Variants in URI1 observed in about 807,000 individuals in gnomAD.
URI1 encodes the protein URI1 prefoldin like chaperone, also known as unconventional prefoldin RPB5 interactor 1.
URI1 carries 39 observed loss-of-function variants against 60.2 expected under a neutral mutation model. That is an observed-to-expected ratio of 0.65 (90% CI 0.50 to 0.85). The LOEUF is 0.85. Ranked by LOEUF, URI1 falls within the 40% of genes least tolerant of loss-of-function variation. URI1 has a pLI of 0.00. For missense variants in URI1, 691 were observed against 665.9 expected (o/e 1.04, Z -0.42); for synonymous variants, 251 against 236.8 (o/e 1.06, Z -0.55).
intron 1 of URI1, among the ~76,000 whole-genome samples, chr19:29,961,676 T>TTTTTTTTTTTTTTTTTTTTTG (rs2055326695): frequency 5.6e-4 from 1 of 1,770 alleles, no homozygotes; most frequent in Non-Finnish European, 3.7e-3. Flanking sequence ...TTTTTTTTTG[T>TTTTTTTTTTTTTTTTTTTTTG]TTTTTTTTTT....
intron 8 of URI1, among the ~76,000 whole-genome samples, chr19:30,009,563 A>C (rs947561773): frequency 6.6e-6 from 1 of 152,138 alleles, no homozygotes; most frequent in South Asian, 2.1e-4. Context: ...CTCTGAAACA[A>C]TGCATTGTTT....
intron 1 of URI1, among the ~76,000 whole-genome samples, chr19:29,944,152 T>C (rs1171397675): frequency 2.2e-5 from 1 of 45,754 alleles, no homozygotes; most frequent in Admixed American, 2.3e-4. Context: ...TATATATATA[T>C]ATATATATAT....
rs192573725 is a variant in URI1, at chr19:29,967,311, A to T, written c.118-3882A>T. On this transcript the variant is annotated intron_variant, in intron 1 of 10. Transcript: ENST00000392271. ...AAAAATATTTTTGGATGGGCTGTCC[A>T]TCATTGTCCTTCTAGGTGTCTAACC... Among the ~76,000 whole-genome samples, 158 of 152,342 alleles carry T rather than the reference A, an allele frequency of 1.0e-3. 3 individuals are homozygous for T. The highest frequency in any genetic ancestry group is 3.8e-3 in the African/African-American group (156 of 41,590).
chr19:29,979,998 G>T (rs566470767), intron 2 of URI1, among the ~76,000 whole-genome samples: 1 of 151,994 alleles, frequency 6.6e-6, no homozygotes, highest in African/African-American at 2.4e-5. Context: ...CCTTTTTCAA[G>T]AATTTTTAAA....
chr19:29,955,594 A>G (rs893137334), intron 1 of URI1, among the ~76,000 whole-genome samples: 1 of 152,154 alleles, frequency 6.6e-6, no homozygotes, highest in African/African-American at 2.4e-5. Flanking sequence ...GAAAACTAGG[A>G]ATTCCTTGAA....
At chr19:29,956,233 C>T (rs376551468) in intron 1 of URI1, 45 of 493,068 alleles carry the variant, frequency 9.1e-5, no homozygotes, top group African/African-American at 2.4e-4. Flanking sequence ...CACCTGTCTT[C>T]GGCCTCCCAA....
intron 1 of URI1, chr19:29,956,580 A>G: frequency 2.0e-6 from 3 of 1,513,080 alleles, no homozygotes; most frequent in Non-Finnish European, 2.7e-6. Context: ...TCTGGGCTTG[A>G]GGTACTGAAC....
intron 4 of URI1, chr19:30,004,184 T>G (rs2055911686): frequency 1.3e-5 from 2 of 152,072 alleles, no homozygotes; most frequent in Admixed American, 6.6e-5. Flanking sequence ...ATCAGGGCTG[T>G]GAGATTTTAT....
intron 4 of URI1, among the ~76,000 whole-genome samples, chr19:29,995,991 C>T (rs1249486313): frequency 6.6e-6 from 1 of 152,056 alleles, no homozygotes; most frequent in African/African-American, 2.4e-5. Context: ...GTTGGTACCA[C>T]ATTATTTTGA....
chr19:29,930,565 A>C (rs2054907827), intron 1 of URI1, among the ~76,000 whole-genome samples: 1 of 151,938 alleles, frequency 6.6e-6, no homozygotes, highest in South Asian at 2.1e-4. Context: ...CCATTTATTA[A>C]AGAGACTGTC....
intron 6 of URI1, 24 bp from the exon 7 acceptor site, chr19:30,007,446 A>G: frequency 1.9e-6 from 3 of 1,608,918 alleles, no homozygotes; most frequent in Non-Finnish European, 2.5e-6. Flanking sequence ...ATTAACAGCC[A>G]CGTCTTTTCC....
chr19:29,985,184 T>TCGTTAATAATG (rs1486895977), intron 2 of URI1, 39 bp from the exon 3 acceptor site: 1 of 553,634 alleles, frequency 1.8e-6, no homozygotes, highest in Non-Finnish European at 3.0e-6. Context: ...AAAAGAAAAA[T>TCGTTAATAATG]CGTTAATAAT....
chr19:29,930,305 T>C (rs1275107794), intron 1 of URI1, among the ~76,000 whole-genome samples: 3 of 152,224 alleles, frequency 2.0e-5, no homozygotes, highest in African/African-American at 7.2e-5. Context: ...TTTTTTCTTT[T>C]GCTACCTGTG....
At position 30,009,070 on chromosome 19, in the gene URI1, G is replaced by A. The variant is rs756836475; in HGVS notation, c.752G>A (p.Arg251His). The part of the protein sequence containing the change: ...TTSSEEEKED[R>H]NTNVNAMHQV... ...TCTTCTGAAGAGGAAAAGGAAGATC[G>A]TAACACAAATGTGAATGCGATGCAT... The change falls in exon 8 of 11, where the codon CGT (arginine) becomes CAT (histidine). Residue 251 changes from arginine (R) to histidine (H), a missense_variant. Arg to His is a conservative substitution (Grantham distance 29). Coordinates refer to ENST00000392271, the MANE Select transcript of URI1 (RefSeq NM_003796.3). The A allele has an allele frequency of 1.1e-5, 18 of 1,613,742 alleles. No individual in the cohort carries two copies. The highest frequency in any genetic ancestry group is 3.3e-4 in the Middle Eastern group (2 of 6,084).
intron 4 of URI1, among the ~76,000 whole-genome samples, chr19:29,988,277 G>T (rs10417348): frequency 0.016 from 2,509 of 152,150 alleles, 75 homozygotes; most frequent in African/African-American, 0.057. Flanking sequence ...TTAAGAAAAG[G>T]TACTTTATTT....
upstream of URI1, among the ~76,000 whole-genome samples, chr19:29,939,278 ATT>A (rs771247218): frequency 1.9e-4 from 25 of 129,886 alleles, no homozygotes; most frequent in Admixed American, 3.1e-4. Flanking sequence ...CGCCTTGCCA[ATT>A]TTTTTTTTTT....
chr19:29,949,502 C>T (rs918217297), intron 1 of URI1, among the ~76,000 whole-genome samples: 10 of 152,322 alleles, frequency 6.6e-5, no homozygotes, highest in East Asian at 1.9e-4. Context: ...ACTTCCCAGA[C>T]GGGGTGGTGG....
chr19:29,964,545 A>G (rs1202262344), intron 1 of URI1, among the ~76,000 whole-genome samples: 1 of 149,198 alleles, frequency 6.7e-6, no homozygotes, highest in African/African-American at 2.5e-5. Context: ...GCTCACTGCA[A>G]CCTCTGCTTT....
intron 2 of URI1, among the ~76,000 whole-genome samples, chr19:29,977,558 C>G (rs907276733): frequency 2.7e-5 from 3 of 112,588 alleles, no homozygotes; most frequent in African/African-American, 9.8e-5. Flanking sequence ...GTTATTTTTT[C>G]TTTTTTTTTT....
Sources: allele counts gnomAD v4.1 joint callset (sites outside exome capture counted in the v4.1 genomes callset), GRCh38; gene constraint gnomAD v4.1.1; transcripts MANE v1.5; gene names NCBI Gene and HGNC (gene_info 2026-07-23, HGNC 2026-07-21).